The following SEMA3E variants were observed in gnomAD, a reference collection of about 807,000 sequenced individuals.
The protein encoded by SEMA3E is semaphorin 3E.
SEMA3E carries 49 observed loss-of-function variants against 93.6 expected under a neutral mutation model. The ratio of observed to expected loss-of-function variants is 0.52; its 90% CI spans 0.42 to 0.66. SEMA3E has a LOEUF of 0.66. Among genes scored for constraint, SEMA3E ranks in the 30% least tolerant of loss-of-function variants. The pLI, the probability that SEMA3E is intolerant of heterozygous loss-of-function variation, is 0.00. For missense variants in SEMA3E, 906 were observed against 964.8 expected (o/e 0.94, Z 0.81); for synonymous variants, 363 against 330.7 (o/e 1.10, Z -1.06).
chr7:83,448,179 C>T (rs183986859), intron 4 of SEMA3E, among the ~76,000 whole-genome samples: 26 of 152,282 alleles, frequency 1.7e-4, no homozygotes, highest in African/African-American at 6.0e-4. Context: ...AAATTTAACT[C>T]TAGGTACATC....
At chr7:83,441,808 T>C (rs901655529) in intron 4 of SEMA3E, among the ~76,000 whole-genome samples, 1 of 152,168 alleles carries the variant, frequency 6.6e-6, no homozygotes, top group Admixed American at 6.5e-5. Context: ...ATCACCACTG[T>C]CATCAGTTTG....
At chr7:83,498,042 A>G (rs1282587264) in intron 1 of SEMA3E, among the ~76,000 whole-genome samples, 1 of 152,102 alleles carries the variant, frequency 6.6e-6, no homozygotes, top group Non-Finnish European at 1.5e-5. Flanking sequence ...GACATTCATG[A>G]TAAACTACTT....
At chr7:83,465,826 C>G (rs1028850622) in intron 4 of SEMA3E, among the ~76,000 whole-genome samples, 2 of 152,128 alleles carry the variant, frequency 1.3e-5, no homozygotes, top group African/African-American at 4.8e-5. Context: ...TTGCGATTCA[C>G]CCAGCTTACA....
intron 1 of SEMA3E, among the ~76,000 whole-genome samples, chr7:83,574,879 C>T (rs1024472924): frequency 5.3e-5 from 8 of 152,136 alleles, no homozygotes; most frequent in Non-Finnish European, 8.8e-5. Context: ...ACCAGAAGTA[C>T]TGCCTGTTCA....
intron 1 of SEMA3E, among the ~76,000 whole-genome samples, chr7:83,577,565 A>G (rs1217973530): frequency 6.6e-6 from 1 of 152,160 alleles, no homozygotes; most frequent in Non-Finnish European, 1.5e-5. Flanking sequence ...TTTTGTCTGT[A>G]TATTTTGTAA....
At chr7:83,372,915 A>G (rs905296334) in intron 16 of SEMA3E, 7 of 152,134 alleles carry the variant, frequency 4.6e-5, no homozygotes, top group Admixed American at 3.3e-4. Flanking sequence ...TTTCCCTGTC[A>G]GTTTACTTGG....
At chr7:83,413,695 G>A (rs1002573294) in intron 5 of SEMA3E, among the ~76,000 whole-genome samples, 3 of 152,086 alleles carry the variant, frequency 2.0e-5, no homozygotes, top group Non-Finnish European at 2.9e-5. Flanking sequence ...TTGGGCTTTC[G>A]GTTTATTTTG....
chr7:83,509,546 A>AAAACG (rs1790770291), intron 1 of SEMA3E, among the ~76,000 whole-genome samples: 1 of 152,158 alleles, frequency 6.6e-6, no homozygotes, highest in Non-Finnish European at 1.5e-5. Flanking sequence ...AAAACAAAAC[A>AAAACG]AAACAAAAAC....
chr7:83,546,169 T>C (rs1263293138), intron 1 of SEMA3E, among the ~76,000 whole-genome samples: 1 of 150,172 alleles, frequency 6.7e-6, no homozygotes, highest in African/African-American at 2.5e-5. Flanking sequence ...GATAGAATTA[T>C]CTATACCAGT....
At chr7:83,633,670 T>A (rs922204508) in intron 1 of SEMA3E, among the ~76,000 whole-genome samples, 1 of 152,186 alleles carries the variant, frequency 6.6e-6, no homozygotes, top group Non-Finnish European at 1.5e-5. Context: ...TCTCAGCTGT[T>A]CTTCTCTACT....
intron 1 of SEMA3E, among the ~76,000 whole-genome samples, chr7:83,611,526 T>C (rs1206918992): frequency 6.6e-6 from 1 of 150,994 alleles, no homozygotes; most frequent in Non-Finnish European, 1.5e-5. Flanking sequence ...TTATACTTGC[T>C]CCTTTCCAGC....
At chr7:83,604,441 A>G (rs1242464390) in intron 1 of SEMA3E, among the ~76,000 whole-genome samples, 2 of 144,470 alleles carry the variant, frequency 1.4e-5, no homozygotes, top group Admixed American at 1.4e-4. Flanking sequence ...ATATATATGT[A>G]TATATATCTT....
chr7:83,604,981 A>C (rs1041209391), intron 1 of SEMA3E, among the ~76,000 whole-genome samples: 6 of 152,164 alleles, frequency 3.9e-5, no homozygotes, highest in African/African-American at 1.4e-4. Flanking sequence ...TTTTGGCTGC[A>C]TAGGATTCCA....
At chr7:83,437,227 C>T in intron 4 of SEMA3E, among the ~76,000 whole-genome samples, 1 of 152,000 alleles carries the variant, frequency 6.6e-6, no homozygotes, top group South Asian at 2.1e-4. Context: ...ACTGGATTGT[C>T]ATCCAAAAAA....
In SEMA3E at chr7:83,366,174, ACT is replaced by A. The variant is rs528761019; in HGVS notation, c.*1410_*1411del. The A allele has an allele frequency of 2.4e-4, 37 of 152,232 alleles. No individual in the cohort carries two copies. In the East Asian group the frequency reaches 6.5e-3, roughly 27 times the overall value. The allele number at this position is 152,232 out of a possible 1,614,324, so 9.4% of individuals were successfully genotyped here. A position where few individuals can be genotyped will look rare whatever the true frequency, so the allele number is the denominator to read the frequency against. On this transcript the variant is annotated 3_prime_UTR_variant, in exon 17 of 17. Coordinates refer to ENST00000643230, the MANE Select transcript of SEMA3E (RefSeq NM_012431.3). ...GCTAACTTTGAAAACTGAAATAAAC[ACT>A]GTTTAAGATTAATATCTAAATAAAT...
chr7:83,425,794 T>TTGCTGTTGTCC (rs1174918423), intron 4 of SEMA3E, among the ~76,000 whole-genome samples: 5 of 151,908 alleles, frequency 3.3e-5, no homozygotes, highest in African/African-American at 1.2e-4. Context: ...ATCAACAGAG[T>TTGCTGTTGTCC]ATGGACAACC....
intron 1 of SEMA3E, among the ~76,000 whole-genome samples, chr7:83,519,498 A>C (rs147932438): frequency 6.6e-6 from 1 of 152,242 alleles, no homozygotes; most frequent in Non-Finnish European, 1.5e-5. Flanking sequence ...TAAGATTCCT[A>C]GAAATCACCA....
At chr7:83,596,905 G>A (rs375989670) in intron 1 of SEMA3E, among the ~76,000 whole-genome samples, 4 of 152,172 alleles carry the variant, frequency 2.6e-5, no homozygotes, top group African/African-American at 9.6e-5. Context: ...TAAGGGCAAG[G>A]TTTTAGGAAA....
In SEMA3E at chr7:83,363,859, C is replaced by CTTTTTTTTTTT. The variant is rs1562743425; in HGVS notation, c.*3726_*3727insAAAAAAAAAAA. 3.0e-5 allele frequency: 3 copies of CTTTTTTTTTTT among 100,558 alleles called. No individual in the cohort carries two copies. Among genetic ancestry groups the CTTTTTTTTTTT allele is most frequent in the African/African-American group, 9.3e-5 (2 of 21,430 alleles). The allele number at this position is 100,558 out of a possible 1,614,324, so 6.2% of individuals were successfully genotyped here. A position where few individuals can be genotyped will look rare whatever the true frequency, so the allele number is the denominator to read the frequency against. Reference sequence around the variant, plus strand: ...AGGCTACAGGTGTCACAGGTCAATTCATTTTTTTTTTTTTTTTTTTTTTTT... The same window carrying CTTTTTTTTTTT: ...AGGCTACAGGTGTCACAGGTCAATTCTTTTTTTTTTTATTTTTTTTTTTTTTTTTTTTTTTT... On this transcript the variant is annotated 3_prime_UTR_variant, in exon 17 of 17. Coordinates refer to ENST00000643230, the MANE Select transcript of SEMA3E (RefSeq NM_012431.3).
Sources: allele counts gnomAD v4.1 joint callset (sites outside exome capture counted in the v4.1 genomes callset), GRCh38; gene constraint gnomAD v4.1.1; transcripts MANE v1.5; gene names NCBI Gene and HGNC (gene_info 2026-07-23, HGNC 2026-07-21).